AFG2A: variants seen among roughly 807,000 people sequenced by gnomAD.
AFG2A encodes AAA ATPase AFG2A.
the AFG2A span, among the ~76,000 whole-genome samples, chr4:123,075,877 A>T: frequency 3.0e-4 from 45 of 151,790 alleles, no homozygotes; most frequent in Non-Finnish European, 5.9e-4. Flanking sequence ...GAATCACTTG[A>T]ACCCAGGAGG....
chr4:123,023,438 C>G, the AFG2A span, among the ~76,000 whole-genome samples: 1 of 151,950 alleles, frequency 6.6e-6, no homozygotes, highest in African/African-American at 2.4e-5. Context: ...TTGGAGATTC[C>G]TAAATTGAGA....
chr4:123,248,868 A>G, the AFG2A span, among the ~76,000 whole-genome samples: 28 of 152,178 alleles, frequency 1.8e-4, no homozygotes, highest in Admixed American at 5.9e-4. Flanking sequence ...AACATTGCCT[A>G]TGTTCAAGGA....
chr4:123,251,057 T>C, the AFG2A span, among the ~76,000 whole-genome samples: 1 of 152,170 alleles, frequency 6.6e-6, no homozygotes, highest in Non-Finnish European at 1.5e-5. Context: ...CATTGAAGTA[T>C]ACTCAACCTG....
chr4:123,232,745 G>C, the AFG2A span, among the ~76,000 whole-genome samples: 6 of 151,998 alleles, frequency 3.9e-5, no homozygotes, highest in Admixed American at 3.3e-4. Context: ...CTGCATTGGG[G>C]GATGATTGCA....
chr4:122,969,642 T>C, the AFG2A span, among the ~76,000 whole-genome samples: 1 of 152,206 alleles, frequency 6.6e-6, no homozygotes, highest in African/African-American at 2.4e-5. Context: ...TGCATTTTGA[T>C]TGGAATTATT....
chr4:122,996,913 G>C, the AFG2A span, among the ~76,000 whole-genome samples: 4 of 152,090 alleles, frequency 2.6e-5, no homozygotes, highest in Non-Finnish European at 5.9e-5. Flanking sequence ...CCAGGAAAAA[G>C]AGCAAATTTT....
the AFG2A span, chr4:122,923,261 C>T: frequency 1.2e-6 from 2 of 1,614,090 alleles, no homozygotes; most frequent in Non-Finnish European, 1.7e-6. Context: ...TCAGACTTCG[C>T]GGCAACCTCC....
the AFG2A span, chr4:122,979,162 C>T: frequency 2.9e-5 from 45 of 1,529,772 alleles, no homozygotes; most frequent in Admixed American, 3.4e-4. Flanking sequence ...GATGGGCCAC[C>T]GGAGCCATCA....
chr4:123,069,691 A>G, the AFG2A span, among the ~76,000 whole-genome samples: 3 of 152,200 alleles, frequency 2.0e-5, no homozygotes, highest in African/African-American at 7.2e-5. Context: ...TTTTAATTAT[A>G]AAAATATCCG....
the AFG2A span, among the ~76,000 whole-genome samples, chr4:123,106,119 G>A: frequency 6.6e-6 from 1 of 152,042 alleles, no homozygotes; most frequent in Non-Finnish European, 1.5e-5. Flanking sequence ...CTACCACCCT[G>A]ATCAGTTAGC....
At chr4:123,145,372 T>G in the AFG2A span, among the ~76,000 whole-genome samples, 3 of 152,108 alleles carry the variant, frequency 2.0e-5, no homozygotes, top group Non-Finnish European at 4.4e-5. Context: ...TTTCTTCATT[T>G]CATCTTGTAA....
the AFG2A span, among the ~76,000 whole-genome samples, chr4:123,043,793 A>C: frequency 6.6e-6 from 1 of 152,262 alleles, no homozygotes; most frequent in Non-Finnish European, 1.5e-5. Flanking sequence ...GATGAGACAA[A>C]TAAGCATAAA....
chr4:122,939,071 C>CTCTCTTTTTTTTTTT, the AFG2A span, among the ~76,000 whole-genome samples: 4 of 76,210 alleles, frequency 5.2e-5, 2 homozygotes, highest in Non-Finnish European at 4.9e-5. Flanking sequence ...GGGATATGTT[C>CTCTCTTTTTTTTTTT]TTTCTTTTTT....
chr4:123,290,867 T>C, the AFG2A span, among the ~76,000 whole-genome samples: 5 of 152,316 alleles, frequency 3.3e-5, no homozygotes, highest in South Asian at 1.0e-3. Flanking sequence ...ACAGCCTCAA[T>C]GATCCATCTA....
At chr4:123,120,987 A>G in the AFG2A span, among the ~76,000 whole-genome samples, 1 of 152,224 alleles carries the variant, frequency 6.6e-6, no homozygotes, top group Non-Finnish European at 1.5e-5. Flanking sequence ...AGCTTCATGC[A>G]TATTATTGCC....
At chr4:123,103,525 G>A in the AFG2A span, among the ~76,000 whole-genome samples, 1 of 152,068 alleles carries the variant, frequency 6.6e-6, no homozygotes, top group Non-Finnish European at 1.5e-5. Context: ...AAAAAATTAT[G>A]ACGTATCATC....
chr4:122,981,929 A>G, the AFG2A span, among the ~76,000 whole-genome samples: 1 of 151,500 alleles, frequency 6.6e-6, no homozygotes, highest in South Asian at 2.1e-4. Context: ...TTTCCTTTAT[A>G]TAAGATTATG....
the AFG2A span, among the ~76,000 whole-genome samples, chr4:123,056,654 C>T: frequency 6.6e-6 from 1 of 151,918 alleles, no homozygotes; most frequent in South Asian, 2.1e-4. Context: ...ATCATATTAC[C>T]AGCCCTTTTA....
At chr4:123,253,485 CA>C in the AFG2A span, among the ~76,000 whole-genome samples, 76,563 of 136,304 alleles carry the variant, frequency 0.56, 23,682 homozygotes, top group Non-Finnish European at 0.7. Context: ...AACTCCACCT[CA>C]AAAAAAAAAA....
Sources: allele counts gnomAD v4.1 joint callset (sites outside exome capture counted in the v4.1 genomes callset), GRCh38; gene constraint gnomAD v4.1.1; transcripts MANE v1.5; gene names NCBI Gene and HGNC (gene_info 2026-07-23, HGNC 2026-07-21).